The following SORCS1 variants were observed in gnomAD, a reference collection of about 807,000 sequenced individuals.
The protein encoded by SORCS1 is VPS10 domain-containing receptor SorCS1.
Under a neutral mutation model 146.1 loss-of-function variants are expected in SORCS1, and 60 were observed. That is an observed-to-expected ratio of 0.41 (90% CI 0.33 to 0.51). SORCS1 has a LOEUF of 0.51. Ranked by LOEUF, SORCS1 falls within the 20% of genes least tolerant of loss-of-function variation. The pLI is 0.21. For missense variants in SORCS1, 1,352 were observed against 1,487.6 expected (o/e 0.91, Z 1.50); for synonymous variants, 637 against 584.0 (o/e 1.09, Z -1.31).
chr10:107,075,924 T>A (rs1962845831), intron 1 of SORCS1, among the ~76,000 whole-genome samples: 2 of 152,104 alleles, frequency 1.3e-5, no homozygotes. Flanking sequence ...TCACCAGCCA[T>A]ATCAGCTGAC....
At chr10:106,843,693 C>T (rs961767872) in intron 2 of SORCS1, among the ~76,000 whole-genome samples, 1 of 152,116 alleles carries the variant, frequency 6.6e-6, no homozygotes, top group African/African-American at 2.4e-5. Flanking sequence ...CCTTGGCCCC[C>T]CAAAGTGCTG....
At chr10:106,651,909 G>T (rs1849891741) in intron 18 of SORCS1, among the ~76,000 whole-genome samples, 1 of 152,174 alleles carries the variant, frequency 6.6e-6, no homozygotes, top group African/African-American at 2.4e-5. Context: ...AACTGCCAAA[G>T]AAATTACACT....
At chr10:106,874,048 G>C (rs1328230255) in intron 2 of SORCS1, among the ~76,000 whole-genome samples, 4 of 152,144 alleles carry the variant, frequency 2.6e-5, no homozygotes, top group Admixed American at 6.5e-5. Context: ...ACCTGATTGT[G>C]AAACATTTAG....
chr10:106,665,595 C>T (rs1253136953), intron 17 of SORCS1, among the ~76,000 whole-genome samples: 1 of 152,106 alleles, frequency 6.6e-6, no homozygotes, highest in African/African-American at 2.4e-5. Context: ...CCCATGTACT[C>T]ATTACCCATC....
At chr10:106,973,536 G>A (rs796683450) in intron 1 of SORCS1, among the ~76,000 whole-genome samples, 20 of 152,302 alleles carry the variant, frequency 1.3e-4, no homozygotes, top group African/African-American at 4.8e-4. Flanking sequence ...AGACTGCAAG[G>A]GGGTCTTGTA....
intron 1 of SORCS1, among the ~76,000 whole-genome samples, chr10:107,139,725 A>C (rs1279493917): frequency 6.6e-6 from 1 of 152,176 alleles, no homozygotes; most frequent in Non-Finnish European, 1.5e-5. Context: ...CTCTTCACTG[A>C]ACTATTTATA....
At chr10:106,743,462 C>A (rs1221230609) in intron 5 of SORCS1, among the ~76,000 whole-genome samples, 1 of 152,148 alleles carries the variant, frequency 6.6e-6, no homozygotes, top group African/African-American at 2.4e-5. Context: ...TTCTGCCACC[C>A]AGGCTGGAGT....
chr10:106,969,482 C>T (rs529166848), intron 1 of SORCS1, among the ~76,000 whole-genome samples: 19 of 152,112 alleles, frequency 1.2e-4, no homozygotes, highest in African/African-American at 3.6e-4. Flanking sequence ...CTGGATTGGG[C>T]CAGTTCTGAG....
intron 1 of SORCS1, among the ~76,000 whole-genome samples, chr10:107,047,907 C>T (rs1232139982): frequency 1.3e-5 from 2 of 151,956 alleles, no homozygotes; most frequent in South Asian, 2.1e-4. Flanking sequence ...GTGGTGAAAC[C>T]CTGTCTCTAA....
upstream of SORCS1, among the ~76,000 whole-genome samples, chr10:107,169,086 C>T (rs1970108085): frequency 6.6e-6 from 1 of 152,116 alleles, no homozygotes; most frequent in Non-Finnish European, 1.5e-5. Flanking sequence ...GCATAAGCTA[C>T]AGGTTAACTG....
intron 17 of SORCS1, among the ~76,000 whole-genome samples, chr10:106,658,783 T>C (rs866566012): frequency 2.6e-5 from 4 of 152,210 alleles, no homozygotes; most frequent in African/African-American, 9.7e-5. Flanking sequence ...GATACAGGGC[T>C]ACGATGGCAT....
chr10:106,916,241 C>A (rs1356570852), intron 2 of SORCS1, among the ~76,000 whole-genome samples: 2 of 152,064 alleles, frequency 1.3e-5, no homozygotes, highest in South Asian at 2.1e-4. Flanking sequence ...GAGCTGAAAT[C>A]ATTTCTGCTT....
chr10:106,962,004 G>A (rs1955247943), intron 1 of SORCS1, among the ~76,000 whole-genome samples: 2 of 152,168 alleles, frequency 1.3e-5, no homozygotes, highest in South Asian at 2.1e-4. Flanking sequence ...AGCCCCAATT[G>A]TGGGGTTCAC....
intron 1 of SORCS1, among the ~76,000 whole-genome samples, chr10:107,101,127 T>G (rs1028136539): frequency 2.6e-5 from 4 of 152,162 alleles, no homozygotes; most frequent in Admixed American, 2.6e-4. Context: ...TGGCGCGATC[T>G]CGGCTCACTG....
rs1233399147 is a variant in SORCS1 at position 106,706,623 on chromosome 10, T to C, written c.1155A>G (p.Gly385=). The C allele has an allele frequency of 1.9e-6, 3 of 1,614,006 alleles. No individual in the cohort carries two copies. The highest frequency in any genetic ancestry group is 2.5e-6 in the Non-Finnish European group (3 of 1,179,988). The change falls in exon 8 of 26, where the codon GGA becomes GGG. Residue 385 remains glycine, a synonymous_variant. Transcript: ENST00000263054. ...AGGACACGTAGTAATGTGGCCGCCC[T>C]CCTGATGTCAGCTGGATCATAAAAA... ...DHYVFVQLTS[G]GRPHYYVSYR... is the part of the protein sequence containing the mutation.
At chr10:107,038,404 G>GT (rs1226104275) in intron 1 of SORCS1, among the ~76,000 whole-genome samples, 1 of 139,226 alleles carries the variant, frequency 7.2e-6, no homozygotes, top group Non-Finnish European at 1.6e-5. Context: ...GGTGGGTGGG[G>GT]GGGGAGAGAC....
chr10:106,622,830 T>C (rs532492170), intron 19 of SORCS1, among the ~76,000 whole-genome samples: 33 of 152,348 alleles, frequency 2.2e-4, no homozygotes, highest in African/African-American at 7.5e-4. Context: ...GAAAGCAGTT[T>C]GGTTTCAGAG....
At chr10:106,746,282 T>A (rs1431517499) in intron 5 of SORCS1, among the ~76,000 whole-genome samples, 2 of 152,242 alleles carry the variant, frequency 1.3e-5, no homozygotes, top group Non-Finnish European at 2.9e-5. Flanking sequence ...GATGTTAACA[T>A]TAGGTAAAGC....
At chr10:107,103,212 T>G (rs1965065335) in intron 1 of SORCS1, among the ~76,000 whole-genome samples, 1 of 152,214 alleles carries the variant, frequency 6.6e-6, no homozygotes, top group Admixed American at 6.5e-5. Context: ...GAGAGTTGGA[T>G]CTGCTCTGCA....
Sources: gnomAD v4.1 joint callset for allele counts (sites outside exome capture counted in the v4.1 genomes callset) on GRCh38, gnomAD v4.1.1 for gene constraint, MANE v1.5 for transcripts, NCBI Gene and HGNC (gene_info 2026-07-23, HGNC 2026-07-21) for gene names.